Variants in BRIX1 observed in about 807,000 individuals in gnomAD.
BRIX1 encodes ribosome biogenesis protein BRX1 homolog.
BRIX1 carries 15 observed loss-of-function variants against 44.0 expected under a neutral mutation model. That is an observed-to-expected ratio of 0.34 (90% CI 0.23 to 0.53). The LOEUF is 0.53. Ranked by LOEUF, BRIX1 falls within the 20% of genes least tolerant of loss-of-function variation. BRIX1 has a pLI of 0.95. For missense variants in BRIX1, 420 were observed against 432.8 expected (o/e 0.97, Z 0.26); for synonymous variants, 149 against 135.4 (o/e 1.10, Z -0.70).
intron 3 of BRIX1, chr5:34,920,612 C>A (rs79070584): frequency 2.0e-5 from 3 of 152,054 alleles, no homozygotes; most frequent in Non-Finnish European, 4.4e-5. Flanking sequence ...CAAGTAAAGA[C>A]AGGAGAAATA....
At chr5:34,923,533 C>G (rs985995183) in intron 8 of BRIX1, among the ~76,000 whole-genome samples, 1 of 152,210 alleles carries the variant, frequency 6.6e-6, no homozygotes, top group Non-Finnish European at 1.5e-5. Context: ...CCGCCTTGGC[C>G]TCCCAAAGTG....
intron 8 of BRIX1, among the ~76,000 whole-genome samples, chr5:34,924,505 T>C (rs1764309944): frequency 6.6e-6 from 1 of 152,216 alleles, no homozygotes; most frequent in Admixed American, 6.5e-5. Context: ...AGTTCCCCCA[T>C]AATGTGCTTT....
intron 4 of BRIX1, 117 bp downstream of exon 4, chr5:34,922,404 T>C: frequency 1.1e-6 from 1 of 898,706 alleles, no homozygotes; most frequent in Non-Finnish European, 1.7e-6. Context: ...AGCAAACTTT[T>C]GATTTCACGA....
rs1055027674 is a variant in BRIX1, at chr5:34,924,942, A to G, written c.759A>G (p.Leu253=). The G allele has an allele frequency of 3.7e-6, 6 of 1,613,538 alleles. No homozygotes were observed. The highest frequency in any genetic ancestry group is 5.1e-6 in the Non-Finnish European group (6 of 1,179,808). The part of the protein sequence containing the change: ...IFQGSFGGPT[L]YENPHYQSPN... ...AGGGAAGTTTTGGAGGACCAACTTT[A>G]TATGAAAATCCTCACTACCAGTCAC... is the stretch of plus-strand genomic sequence containing the variant. The change falls in exon 9 of 10, where the codon TTA becomes TTG. Residue 253 remains leucine, a synonymous_variant. Transcript: ENST00000336767.
In BRIX1 at chr5:34,925,271, A is replaced by G. The variant is rs773220235; in HGVS notation, c.838A>G (p.Lys280Glu). The G allele has an allele frequency of 5.6e-6, 9 of 1,612,926 alleles. No homozygotes were observed. In the East Asian group the frequency reaches 2.0e-4, roughly 36 times the overall value. Residue 280 changes from lysine (K) to glutamate (E), a missense_variant, in exon 10 of 10, where the codon AAA (lysine) becomes GAA (glutamate). Transcript: ENST00000336767. ...CATCACAGCTGCAAAATACAGAGAG[A>G]AACAGCAAGTGAAAGATGTGCAAAA... ...RSITAAKYRE[K>E]QQVKDVQKLR... is the part of the protein sequence containing the mutation.
rs1260025266 is a variant in BRIX1, at chr5:34,916,072, T to G, written c.159+175T>G. 4.4e-6 allele frequency: 3 copies of G among 688,572 alleles called. No individual in the cohort carries two copies. In the East Asian group the frequency reaches 9.9e-5, roughly 23 times the overall value. The allele number at this position is 688,572 out of a possible 1,614,324, so 42.7% of individuals were successfully genotyped here. A position where few individuals can be genotyped will look rare whatever the true frequency, so the allele number is the denominator to read the frequency against. ...GCACGGAGTTTGCAGCTAATCCTTG[T>G]GCACGTGGCCGTCTTCCTGGAGGCG... On this transcript the variant is annotated intron_variant, in intron 1 of 9. Transcript: ENST00000336767.
At chr5:34,921,476 A>G (rs771537841) in intron 3 of BRIX1, 2 of 152,240 alleles carry the variant, frequency 1.3e-5, no homozygotes, top group Non-Finnish European at 1.5e-5. Context: ...TTTTAGTTCT[A>G]TAAGTACTGC....
Position 34,922,288 on chromosome 5 carries a change from G to A in BRIX1, c.386+1G>A. On this transcript the variant is annotated splice_donor_variant, in intron 4 of 9. Coordinates refer to ENST00000336767, the MANE Select transcript of BRIX1 (RefSeq NM_018321.4). LOFTEE classifies it high-confidence loss of function. ...AGAAAAAACAGGATCTCTATATGTG[G>A]TAAGAGAATGTATTAAGATTTTGGT... 6.6e-7 allele frequency: 1 copy of A among 1,525,728 alleles called. No individual in the cohort carries two copies. The highest frequency in any genetic ancestry group is 9.0e-7 in the Non-Finnish European group (1 of 1,108,088). 94.5% of individuals were successfully genotyped at this position (1,525,728 alleles called of 1,614,324 possible).
chr5:34,925,588 T>A lies in BRIX1; in HGVS notation c.*93T>A. 9.4e-7 allele frequency: 1 copy of A among 1,060,988 alleles called. No individual in the cohort carries two copies. Among genetic ancestry groups the A allele is most frequent in the Non-Finnish European group, 1.3e-6 (1 of 759,048 alleles). 65.7% of individuals were successfully genotyped at this position (1,060,988 alleles called of 1,614,324 possible). A position where few individuals can be genotyped will look rare whatever the true frequency, so the allele number is the denominator to read the frequency against. ...TTATTATCTAATACTATCTTACGTC[T>A]AATTAGTGTAGCATTTACAAGAAAG... On this transcript the variant is annotated 3_prime_UTR_variant, in exon 10 of 10. Transcript: ENST00000336767.
In BRIX1 at chr5:34,923,074, A is replaced by G. The variant is rs773679839; in HGVS notation, c.561+23A>G. On this transcript the variant is annotated intron_variant, in intron 7 of 9. Coordinates refer to ENST00000336767, the MANE Select transcript of BRIX1 (RefSeq NM_018321.4). ...CAGGTAAATATCTTTAAAATTAGCT[A>G]TCCAAAATATACATGATATATCTTG... 2.0e-5 allele frequency: 31 copies of G among 1,567,946 alleles called. No individual in the cohort carries two copies. The East Asian group carries it at 4.3e-4, about 22-fold the overall frequency.
intron 2 of BRIX1, 37 bp downstream of exon 2, chr5:34,918,512 A>G (rs751594715): frequency 8.6e-7 from 1 of 1,161,284 alleles, no homozygotes; most frequent in Non-Finnish European, 1.2e-6. Flanking sequence ...ATTTCTATCT[A>G]TAAACTTACC....
At chr5:34,924,570 C>G (rs1764311348) in intron 8 of BRIX1, among the ~76,000 whole-genome samples, 1 of 152,118 alleles carries the variant, frequency 6.6e-6, no homozygotes. Flanking sequence ...ACCAGTTTTT[C>G]AAGGATATAT....
chr5:34,923,503 C>T, intron 8 of BRIX1: 2 of 404,854 alleles, frequency 4.9e-6, no homozygotes, highest in Non-Finnish European at 9.1e-6. Flanking sequence ...GTCTCAAACT[C>T]CTGACCTCAG....
Position 34,925,332 on chromosome 5 carries a change from A to AG in BRIX1, c.899_900insG (p.His300GlnfsTer2). On this transcript the variant is annotated frameshift_variant, in exon 10 of 10. Transcript: ENST00000336767. LOFTEE classifies it high-confidence loss of function. ...AAAGAGCCGAAGACTCTTCTTCCAC[A>AG]TGATCCCACTGCAGATGTTTTTGTA... 1.2e-6 allele frequency: 2 copies of AG among 1,614,036 alleles called. No individual in the cohort carries two copies. The highest frequency in any genetic ancestry group is 2.2e-5 in the South Asian group (2 of 91,080).
Position 34,915,806 on chromosome 5 carries a change from A to C in BRIX1, c.68A>C (p.Glu23Ala). The C allele has an allele frequency of 6.3e-7, 1 of 1,585,896 alleles. No homozygotes were observed. The highest frequency in any genetic ancestry group is 1.1e-5 in the South Asian group (1 of 87,016). ...AVQAKKPKRN[E>A]IDAEPPAKRH... ...CAGGCGAAGAAGCCAAAAAGAAACGAAATAGATGCGGAGCCGCCAGCTAAG... is the reference window on the plus strand; with the variant it reads ...CAGGCGAAGAAGCCAAAAAGAAACGCAATAGATGCGGAGCCGCCAGCTAAG... Residue 23 changes from glutamate to alanine, a missense_variant, in exon 1 of 10, where the codon GAA becomes GCA. Transcript: ENST00000336767.
intron 8 of BRIX1, chr5:34,923,496 T>A (rs1479560985): frequency 7.1e-6 from 3 of 419,646 alleles, no homozygotes; most frequent in Non-Finnish European, 8.7e-6. Context: ...CAGGCTGGTC[T>A]CAAACTCCTG....
intron 2 of BRIX1, 24 bp downstream of exon 2, chr5:34,918,499 G>T (rs1365938103): frequency 7.6e-7 from 1 of 1,323,626 alleles, no homozygotes; most frequent in Non-Finnish European, 1.0e-6. Flanking sequence ...ATATACTTTA[G>T]AAATTTCTAT....
Position 34,922,307 on chromosome 5 carries a change from T to G in BRIX1, c.386+20T>G, listed in dbSNP as rs1418055074. ...TATGTGGTAAGAGAATGTATTAAGA[T>G]TTTGGTTAAACTCATTTAAGTGGAT... On this transcript the variant is annotated intron_variant, in intron 4 of 9. Transcript: ENST00000336767. The G allele has an allele frequency of 1.4e-6, 2 of 1,474,056 alleles. No individual in the cohort carries two copies. Among genetic ancestry groups the G allele is most frequent in the South Asian group, 2.4e-5 (2 of 83,324 alleles). 91.3% of individuals were successfully genotyped at this position (1,474,056 alleles called of 1,614,324 possible).
At position 34,925,763 on chromosome 5, in the gene BRIX1, G is replaced by C. The variant is rs1764365584; in HGVS notation, c.*268G>C. On this transcript the variant is annotated 3_prime_UTR_variant, in exon 10 of 10. Coordinates refer to ENST00000336767, the MANE Select transcript of BRIX1 (RefSeq NM_018321.4). Reference sequence around the variant, plus strand: ...CCTGTTCTCTTGGGTTGGAATTTTTGGTTTAGCAAAGCTGAAATTCAGACA... The same window carrying C: ...CCTGTTCTCTTGGGTTGGAATTTTTCGTTTAGCAAAGCTGAAATTCAGACA... 3 of 315,180 alleles carry C rather than the reference G, an allele frequency of 9.5e-6. No homozygotes were observed. Among genetic ancestry groups the C allele is most frequent in the Non-Finnish European group, 1.7e-5 (3 of 174,250 alleles). 19.5% of individuals were successfully genotyped at this position (315,180 alleles called of 1,614,324 possible).
Sources: gnomAD v4.1 joint callset for allele counts (sites outside exome capture counted in the v4.1 genomes callset) on GRCh38, gnomAD v4.1.1 for gene constraint, MANE v1.5 for transcripts, NCBI Gene and HGNC (gene_info 2026-07-23, HGNC 2026-07-21) for gene names.